The following ROCK2 variants were observed in gnomAD, a reference collection of about 807,000 sequenced individuals.
ROCK2 encodes the protein Rho associated coiled-coil containing protein kinase 2.
In ROCK2, 61 loss-of-function variants were observed where a neutral mutation model predicts 195.1. That is an observed-to-expected ratio of 0.31 (90% CI 0.25 to 0.39). ROCK2 has a LOEUF of 0.39. ROCK2 is among the 10% of genes least tolerant of loss of function. The pLI, the probability that ROCK2 is intolerant of heterozygous loss-of-function variation, is 1.00. For synonymous variants in ROCK2, 504 were observed against 545.5 expected, an observed-to-expected ratio of 0.92 and a Z score of 1.06; for missense variants, 1,109 against 1,637.4, an observed-to-expected ratio of 0.68 and a Z score of 5.57.
chr2:11,235,551 A>G lies in ROCK2; in HGVS notation c.723+151T>C. 1.4e-6 allele frequency: 1 copy of G among 707,810 alleles called. No homozygotes were observed. The highest frequency in any genetic ancestry group is 2.1e-5 in the South Asian group (1 of 46,808). 43.8% of individuals were successfully genotyped at this position (707,810 alleles called of 1,614,324 possible). A position where few individuals can be genotyped will look rare whatever the true frequency, so the allele number is the denominator to read the frequency against. On this transcript the variant is annotated intron_variant, in intron 5 of 32. Transcript: ENST00000315872. This position sits in a 1 kb window ranked among gnomAD's most constrained non-coding sequence, Gnocchi z 4.2. ...AGAAATGTTTTAAGTTGGTTAAGGA[A>G]ATGTTTTAAGTTGGTTATATCTTGT...
intron 1 of ROCK2, among the ~76,000 whole-genome samples, chr2:11,294,844 G>T (rs1667463008): frequency 6.6e-6 from 1 of 151,886 alleles, no homozygotes; most frequent in South Asian, 2.1e-4. Context: ...GTGCCATGAT[G>T]TCAGCTCACC....
intron 3 of ROCK2, among the ~76,000 whole-genome samples, chr2:11,284,054 A>C (rs1667107157): frequency 1.3e-5 from 2 of 152,242 alleles, no homozygotes; most frequent in Non-Finnish European, 2.9e-5. Flanking sequence ...ACAGCCAGAC[A>C]ACAGAATATT....
chr2:11,261,207 A>G (rs948156412), intron 3 of ROCK2, among the ~76,000 whole-genome samples: 2 of 152,224 alleles, frequency 1.3e-5, no homozygotes, highest in African/African-American at 4.8e-5. Context: ...GGTCTTTGAC[A>G]TAACTTAATC....
chr2:11,192,911 T>G lies in ROCK2; in HGVS notation c.3688-199A>C, dbSNP rs761613524. On this transcript the variant is annotated intron_variant, in intron 30 of 32. Coordinates refer to ENST00000315872, the MANE Select transcript of ROCK2 (RefSeq NM_004850.5). This position sits in a 1 kb window ranked among gnomAD's most constrained non-coding sequence, Gnocchi z 5.0. Reference sequence around the variant, plus strand: ...TAAGAAAAGTCATCAGACAGTCACTTTGGTTTGCATTTCAAAAGAACTGAT... The same window carrying G: ...TAAGAAAAGTCATCAGACAGTCACTGTGGTTTGCATTTCAAAAGAACTGAT... Among the ~76,000 whole-genome samples, 1 of 152,234 alleles carries G rather than the reference T, an allele frequency of 6.6e-6. No homozygotes were observed. The highest frequency in any genetic ancestry group is 1.5e-5 in the Non-Finnish European group (1 of 68,038).
At chr2:11,291,498 G>A (rs963056860) in intron 1 of ROCK2, among the ~76,000 whole-genome samples, 9 of 152,206 alleles carry the variant, frequency 5.9e-5, no homozygotes, top group East Asian at 3.9e-4. Flanking sequence ...TGCAGCGAGC[G>A]GAGGATCGCG....
At chr2:11,304,026 G>A (rs1319182870) in intron 1 of ROCK2, among the ~76,000 whole-genome samples, 2 of 151,896 alleles carry the variant, frequency 1.3e-5, no homozygotes, top group Non-Finnish European at 2.9e-5. Context: ...ATATTTCTCT[G>A]GTTGCCCTTT....
intron 4 of ROCK2, among the ~76,000 whole-genome samples, chr2:11,242,968 A>C (rs1020504437): frequency 2.0e-5 from 3 of 152,142 alleles, no homozygotes; most frequent in Admixed American, 2.0e-4. Flanking sequence ...CCATGAATAA[A>C]GCCTTGTCTG....
intron 32 of ROCK2, among the ~76,000 whole-genome samples, chr2:11,191,654 T>C (rs1663427265): frequency 2.0e-5 from 3 of 152,222 alleles, no homozygotes; most frequent in East Asian, 1.9e-4. Flanking sequence ...CAAGTGCTTA[T>C]AAAAGCTGAA....
chr2:11,304,718 C>A (rs999558877), intron 1 of ROCK2, among the ~76,000 whole-genome samples: 1 of 152,170 alleles, frequency 6.6e-6, no homozygotes, highest in African/African-American at 2.4e-5. Flanking sequence ...ACTCTCAAAC[C>A]TCACCTCCCA....
At chr2:11,187,900 A>G (rs1663255817) in intron 32 of ROCK2, among the ~76,000 whole-genome samples, 1 of 152,158 alleles carries the variant, frequency 6.6e-6, no homozygotes, top group Non-Finnish European at 1.5e-5. Context: ...AAGAGCAAAG[A>G]TAAGATAATA....
intron 5 of ROCK2, among the ~76,000 whole-genome samples, chr2:11,228,585 G>T (rs1484905754): frequency 6.6e-6 from 1 of 152,092 alleles, no homozygotes; most frequent in Non-Finnish European, 1.5e-5. Flanking sequence ...ACTTCAAAAG[G>T]CAGGGTATAC....
chr2:11,273,414 A>G (rs1311830080), intron 3 of ROCK2, among the ~76,000 whole-genome samples: 1 of 151,846 alleles, frequency 6.6e-6, no homozygotes, highest in African/African-American at 2.4e-5. Context: ...AAAAAAAAAC[A>G]TTATATCTTA....
intron 1 of ROCK2, among the ~76,000 whole-genome samples, chr2:11,317,131 G>A (rs1668218537): frequency 6.6e-6 from 1 of 152,048 alleles, no homozygotes; most frequent in Non-Finnish European, 1.5e-5. Flanking sequence ...AACTTTTCCT[G>A]CGAATGAGGC....
Position 11,215,025 on chromosome 2 carries a change from G to T in ROCK2, c.1751C>A (p.Thr584Asn). The T allele has an allele frequency of 6.2e-7, 1 of 1,613,960 alleles. No homozygotes were observed. The highest frequency in any genetic ancestry group is 1.1e-5 in the South Asian group (1 of 91,074). Residue 584 changes from threonine to asparagine, a missense_variant, in exon 16 of 33, where the codon ACC (threonine) becomes AAC (asparagine). By Grantham distance (65) the Thr-to-Asn change is moderately conservative. Coordinates refer to ENST00000315872, the MANE Select transcript of ROCK2 (RefSeq NM_004850.5). Reference sequence around the variant, plus strand: ...AATCTGTTTTGAACTTTCTGCCTGGGTTTTCCTTAACCGGGCTGCAGTATC... The same window carrying T: ...AATCTGTTTTGAACTTTCTGCCTGGTTTTTCCTTAACCGGGCTGCAGTATC... The part of the protein sequence containing the change: ...ESDTAARLRK[T>N]QAESSKQIQQ...
At chr2:11,183,628 A>C (rs954751075) in intron 32 of ROCK2, among the ~76,000 whole-genome samples, 188 bp from the exon 33 acceptor site, 1 of 152,202 alleles carries the variant, frequency 6.6e-6, no homozygotes, top group Non-Finnish European at 1.5e-5. Flanking sequence ...ACATGCAATT[A>C]TATTCTTTCC....
Position 11,287,712 on chromosome 2 carries a change from CA to C in ROCK2, c.165del (p.Asp56IlefsTer2). On this transcript the variant is annotated frameshift_variant, in exon 2 of 33. Transcript: ENST00000315872. LOFTEE classifies it high-confidence loss of function. ...SLLDGLNSLV[L>X]DLDFPALRKN... is the part of the protein sequence containing the mutation. ...TTCCTCAAAGCAGGAAAATCTAAAT[CA>C]AGGACCAAGGAATTTAAGCCATCCT... 1 of 1,326,650 alleles carries C rather than the reference CA, an allele frequency of 7.5e-7. No individual in the cohort carries two copies. The highest frequency in any genetic ancestry group is 1.0e-6 in the Non-Finnish European group (1 of 993,198). 82.2% of individuals were successfully genotyped at this position (1,326,650 alleles called of 1,614,324 possible). A position where few individuals can be genotyped will look rare whatever the true frequency, so the allele number is the denominator to read the frequency against.
intron 1 of ROCK2, among the ~76,000 whole-genome samples, chr2:11,300,126 A>G (rs1177003356): frequency 6.6e-6 from 1 of 152,234 alleles, no homozygotes; most frequent in African/African-American, 2.4e-5. Flanking sequence ...GTAAATCTAC[A>G]GTTTCTAAAG....
intron 32 of ROCK2, among the ~76,000 whole-genome samples, chr2:11,185,600 G>A (rs1408069039): frequency 6.6e-6 from 1 of 152,032 alleles, no homozygotes; most frequent in Non-Finnish European, 1.5e-5. Flanking sequence ...ATGGTGGCAG[G>A]TGCCTGTAAT....
chr2:11,193,748 A>G (rs1663520880), intron 30 of ROCK2, 31 bp downstream of exon 30: 1 of 1,366,288 alleles, frequency 7.3e-7, no homozygotes, highest in East Asian at 2.4e-5. Flanking sequence ...AACAAAGCCA[A>G]CCAACCAAAT....
Sources: allele counts gnomAD v4.1 joint callset (sites outside exome capture counted in the v4.1 genomes callset), GRCh38; gene constraint gnomAD v4.1.1; non-coding constraint Gnocchi (gnomAD v3.1); transcripts MANE v1.5; gene names NCBI Gene and HGNC (gene_info 2026-07-23, HGNC 2026-07-21).